Variants in PKP4 observed in about 807,000 individuals in gnomAD.
PKP4 encodes the protein plakophilin 4, also known as plakophilin-4.
A neutral mutation model predicts 145.1 loss-of-function variants in PKP4; 90 were observed. The observed-to-expected ratio is 0.62, with a 90% CI of 0.52 to 0.74. The LOEUF is 0.74. PKP4 is among the 30% of genes least tolerant of loss of function. The pLI, the probability that PKP4 is intolerant of heterozygous loss-of-function variation, is 0.00. For missense variants in PKP4, 1,340 were observed against 1,482.7 expected, an observed-to-expected ratio of 0.90 and a Z score of 1.58; for synonymous variants, 563 against 577.2, an observed-to-expected ratio of 0.98 and a Z score of 0.35.
chr2:158,516,427 A>G (rs2041944046), intron 1 of PKP4, among the ~76,000 whole-genome samples: 1 of 152,140 alleles, frequency 6.6e-6, no homozygotes, highest in African/African-American at 2.4e-5. Context: ...TTGTCCGTGG[A>G]GCACACTTTG....
At chr2:158,637,772 C>T (rs562810400) in intron 9 of PKP4, among the ~76,000 whole-genome samples, 2 of 152,344 alleles carry the variant, frequency 1.3e-5, no homozygotes, top group East Asian at 1.9e-4. Context: ...AAATCCAGTA[C>T]GAGTTACTCT....
At chr2:158,667,229 C>T (rs112111175) in intron 16 of PKP4, among the ~76,000 whole-genome samples, 9 of 152,288 alleles carry the variant, frequency 5.9e-5, no homozygotes, top group South Asian at 2.1e-4. Context: ...AGGCAGGATG[C>T]GGGCTAAAGA....
intron 2 of PKP4, among the ~76,000 whole-genome samples, chr2:158,536,010 C>G (rs2044005290): frequency 2.0e-5 from 3 of 152,150 alleles, no homozygotes; most frequent in Admixed American, 6.5e-5. Flanking sequence ...AAAATGCTTA[C>G]AACAGTACCT....
intron 2 of PKP4, among the ~76,000 whole-genome samples, chr2:158,564,148 A>G (rs1366232022): frequency 6.6e-6 from 1 of 151,886 alleles, no homozygotes; most frequent in African/African-American, 2.4e-5. Flanking sequence ...AATGTAATAT[A>G]AAAGTATAAA....
At chr2:158,476,442 C>T (rs535884860) in intron 1 of PKP4, among the ~76,000 whole-genome samples, 4 of 152,074 alleles carry the variant, frequency 2.6e-5, no homozygotes, top group South Asian at 4.2e-4. Flanking sequence ...GTGATCATCT[C>T]GTCTCAGCCT....
chr2:158,637,435 C>A (rs1293740165), intron 9 of PKP4, among the ~76,000 whole-genome samples: 1 of 152,140 alleles, frequency 6.6e-6, no homozygotes, highest in Non-Finnish European at 1.5e-5. Flanking sequence ...TTCGGATAGT[C>A]CACACGCAAA....
At chr2:158,608,233 A>AT (rs2050811613) in intron 4 of PKP4, among the ~76,000 whole-genome samples, 1 of 152,198 alleles carries the variant, frequency 6.6e-6, no homozygotes, top group South Asian at 2.1e-4. Context: ...AAACCCATAT[A>AT]TACTATTACG....
At chr2:158,518,050 G>A (rs1317220080) in intron 1 of PKP4, among the ~76,000 whole-genome samples, 2 of 152,206 alleles carry the variant, frequency 1.3e-5, no homozygotes, top group Non-Finnish European at 2.9e-5. Context: ...TATTCAGTGT[G>A]TAACAAGCCA....
At chr2:158,461,866 G>C (rs1689824486) in intron 1 of PKP4, among the ~76,000 whole-genome samples, 1 of 152,206 alleles carries the variant, frequency 6.6e-6, no homozygotes, top group Non-Finnish European at 1.5e-5. Context: ...ACATCTGTGA[G>C]CTTGGCAAGG....
intron 11 of PKP4, among the ~76,000 whole-genome samples, chr2:158,656,140 G>A (rs1575001147): frequency 6.6e-6 from 1 of 152,176 alleles, no homozygotes; most frequent in East Asian, 1.9e-4. Flanking sequence ...GTCAATTGAG[G>A]TGGGGATCTG....
chr2:158,599,111 G>A (rs2105840467), intron 3 of PKP4, among the ~76,000 whole-genome samples: 1 of 152,294 alleles, frequency 6.6e-6, no homozygotes, highest in East Asian at 1.9e-4. Context: ...TGGATCTGTT[G>A]TGCATTAGCA....
chr2:158,604,599 A>G (rs2050498539), intron 4 of PKP4, among the ~76,000 whole-genome samples: 1 of 152,002 alleles, frequency 6.6e-6, no homozygotes, highest in Admixed American at 6.6e-5. Context: ...GTAGGCAATA[A>G]CTGTGAGGTT....
chr2:158,467,594 TA>T (rs1469661862), intron 1 of PKP4, among the ~76,000 whole-genome samples: 1 of 151,038 alleles, frequency 6.6e-6, no homozygotes, highest in Non-Finnish European at 1.5e-5. Flanking sequence ...TCCTGTAATC[TA>T]AGCACTGTCA....
chr2:158,633,591 T>A (rs1181302253), intron 8 of PKP4, among the ~76,000 whole-genome samples: 1 of 152,218 alleles, frequency 6.6e-6, no homozygotes, highest in East Asian at 1.9e-4. Context: ...TGACCACGGG[T>A]AACTGAAACC....
At chr2:158,571,513 A>AG (rs1386128066) in intron 2 of PKP4, among the ~76,000 whole-genome samples, 1 of 152,188 alleles carries the variant, frequency 6.6e-6, no homozygotes, top group Non-Finnish European at 1.5e-5. Context: ...TGGGGTGTGG[A>AG]GGAATACATA....
intron 1 of PKP4, among the ~76,000 whole-genome samples, chr2:158,521,715 T>C (rs2042386795): frequency 6.6e-6 from 1 of 152,186 alleles, no homozygotes. Flanking sequence ...CCTGAAGATG[T>C]TTAACTTTTC....
At chr2:158,679,392 G>C (rs1050506485) in intron 21 of PKP4, 1 of 152,136 alleles carries the variant, frequency 6.6e-6, no homozygotes, top group Non-Finnish European at 1.5e-5. Context: ...TCTTTTCTCT[G>C]TAGGTGGAAG....
At chr2:158,476,712 GT>G (rs11346794) in intron 1 of PKP4, among the ~76,000 whole-genome samples, 30,232 of 147,780 alleles carry the variant, frequency 0.2, 3,819 homozygotes, top group Middle Eastern at 0.36. Flanking sequence ...TTTTAAAATA[GT>G]TTTTTTTTTT....
chr2:158,661,713 G>A, intron 13 of PKP4: 1 of 304,616 alleles, frequency 3.3e-6, no homozygotes, highest in Non-Finnish European at 6.3e-6. Flanking sequence ...TCTCAGGGTG[G>A]TGCCCATGCT....
Sources: allele counts gnomAD v4.1 joint callset (sites outside exome capture counted in the v4.1 genomes callset), GRCh38; gene constraint gnomAD v4.1.1; transcripts MANE v1.5; gene names NCBI Gene and HGNC (gene_info 2026-07-23, HGNC 2026-07-21).